DLGAP1: variants seen among roughly 807,000 people sequenced by gnomAD.
DLGAP1 encodes disks large-associated protein 1.
A neutral mutation model predicts 90.8 loss-of-function variants in DLGAP1; 11 were observed. The ratio of observed to expected loss-of-function variants is 0.12; its 90% CI spans 0.08 to 0.20. The LOEUF (loss-of-function observed/expected upper bound fraction) is 0.20, where lower values mean the gene tolerates loss of function less well. Among genes scored for constraint, DLGAP1 ranks in the 10% least tolerant of loss-of-function variants. The pLI is 1.00. For synonymous variants in DLGAP1, 558 were observed against 540.7 expected (o/e 1.03, Z -0.44); for missense variants, 1,050 against 1,333.8 (o/e 0.79, Z 3.31).
At chr18:3,724,142 T>C (rs964851750) in intron 7 of DLGAP1, among the ~76,000 whole-genome samples, 1 of 151,882 alleles carries the variant, frequency 6.6e-6, no homozygotes, top group Admixed American at 6.6e-5. Flanking sequence ...CTGAGCAACA[T>C]AGCAAGTCTT....
At chr18:4,075,999 T>C (rs1003122630) in intron 2 of DLGAP1, among the ~76,000 whole-genome samples, 2 of 152,158 alleles carry the variant, frequency 1.3e-5, no homozygotes, top group African/African-American at 4.8e-5. Flanking sequence ...TTGGTCGCTC[T>C]CCCTCTCCCT....
chr18:3,831,445 G>C (rs2068030876), intron 4 of DLGAP1, among the ~76,000 whole-genome samples: 1 of 152,072 alleles, frequency 6.6e-6, no homozygotes, highest in Admixed American at 6.5e-5. Flanking sequence ...AGAGGGTTTG[G>C]GAGATGCTTT....
At chr18:4,139,313 G>A (rs752219671) in intron 2 of DLGAP1, among the ~76,000 whole-genome samples, 4 of 151,762 alleles carry the variant, frequency 2.6e-5, no homozygotes, top group African/African-American at 4.8e-5. Flanking sequence ...GCTTTCATAC[G>A]TTGTGTTTCC....
At chr18:4,179,244 T>C (rs1039153941) in intron 1 of DLGAP1, among the ~76,000 whole-genome samples, 1 of 152,142 alleles carries the variant, frequency 6.6e-6, no homozygotes, top group African/African-American at 2.4e-5. Flanking sequence ...CACCACGTGA[T>C]AAGTGAAAGT....
In DLGAP1 at chr18:4,246,982, A is replaced by G. The variant is rs114386618; in HGVS notation, c.-266-95695T>C. On this transcript the variant is annotated intron_variant, in intron 1 of 12. Coordinates refer to ENST00000315677, the MANE Select transcript of DLGAP1 (RefSeq NM_004746.4). ...GAGATAAGCTCTCTTATTTTATTCA[A>G]TGATAATGGCTTAGAATTCTGCTAG... Among the ~76,000 whole-genome samples the G allele has an allele frequency of 3.0e-3, 458 of 152,304 alleles. 7 individuals carry two copies. Among genetic ancestry groups the G allele is most frequent in the African/African-American group, 0.011 (442 of 41,568 alleles).
rs544779403 is a variant in DLGAP1, at chr18:3,689,512, A to G, written c.1591+39623T>C. On this transcript the variant is annotated intron_variant, in intron 7 of 12. Coordinates refer to ENST00000315677, the MANE Select transcript of DLGAP1 (RefSeq NM_004746.4). ...TGTATCCTTTTTTTTAAGCAGACCTATCTTTTCCCTTCTCTAAATATCATC... is the reference window on the plus strand; with the variant it reads ...TGTATCCTTTTTTTTAAGCAGACCTGTCTTTTCCCTTCTCTAAATATCATC... Among the ~76,000 whole-genome samples, 5 of 152,256 alleles carry G rather than the reference A, an allele frequency of 3.3e-5. No homozygotes were observed. The South Asian group carries it at 8.3e-4, about 25-fold the overall frequency.
At chr18:4,267,750 AC>A (rs1390862037) in intron 1 of DLGAP1, among the ~76,000 whole-genome samples, 3 of 152,160 alleles carry the variant, frequency 2.0e-5, no homozygotes, top group Non-Finnish European at 4.4e-5. Flanking sequence ...CAGTCATCTG[AC>A]AACTAGGCTG....
chr18:3,942,434 C>A (rs927694376), intron 3 of DLGAP1, among the ~76,000 whole-genome samples: 10 of 152,204 alleles, frequency 6.6e-5, no homozygotes, highest in Admixed American at 2.0e-4. Flanking sequence ...GAGGGGAAAG[C>A]TTCAGAATAC....
intron 7 of DLGAP1, among the ~76,000 whole-genome samples, chr18:3,672,305 C>T (rs181567196): frequency 3.9e-4 from 59 of 151,646 alleles, no homozygotes; most frequent in African/African-American, 9.4e-4. Flanking sequence ...GAGCAGGGAA[C>T]GGTGGTTCAC....
chr18:3,635,285 C>G lies in DLGAP1; in HGVS notation c.1592-53037G>C, dbSNP rs548912972. On this transcript the variant is annotated intron_variant, in intron 7 of 12. Transcript: ENST00000315677. ...AGCTGGGACTACAGGCGCCCGCCAC[C>G]ACGCCCGGCTGATTTTTTTGTATTG... is the stretch of plus-strand genomic sequence containing the variant. Among the ~76,000 whole-genome samples the G allele has an allele frequency of 4.2e-4, 64 of 152,170 alleles. 1 individual carries two copies. The South Asian group carries it at 5.6e-3, about 13-fold the overall frequency.
intron 3 of DLGAP1, among the ~76,000 whole-genome samples, chr18:3,919,596 A>T (rs1298561728): frequency 6.6e-6 from 1 of 152,196 alleles, no homozygotes; most frequent in Non-Finnish European, 1.5e-5. Context: ...CATGCTATAA[A>T]CAGGAACTGC....
intron 4 of DLGAP1, chr18:3,878,318 A>T (rs1473126108): frequency 6.6e-6 from 1 of 152,190 alleles, no homozygotes; most frequent in Non-Finnish European, 1.5e-5. Flanking sequence ...TCTCTCTCCT[A>T]TATTTTTATC....
chr18:4,033,269 T>C (rs2074828621), intron 2 of DLGAP1, among the ~76,000 whole-genome samples: 1 of 152,084 alleles, frequency 6.6e-6, no homozygotes, highest in African/African-American at 2.4e-5. Flanking sequence ...CGCCAGTTCC[T>C]ACTCAGAGCT....
intron 1 of DLGAP1, among the ~76,000 whole-genome samples, chr18:4,365,085 T>C (rs527596604): frequency 1.6e-4 from 24 of 152,310 alleles, no homozygotes; most frequent in African/African-American, 4.8e-4. Flanking sequence ...GAAGAGATCA[T>C]AAGGAATTAA....
chr18:4,341,125 A>T (rs927139482), intron 1 of DLGAP1, among the ~76,000 whole-genome samples: 1 of 151,988 alleles, frequency 6.6e-6, no homozygotes, highest in Non-Finnish European at 1.5e-5. Context: ...TTTCCTCTCA[A>T]TTCACACTAA....
At chr18:3,661,928 A>C (rs1450102485) in intron 7 of DLGAP1, among the ~76,000 whole-genome samples, 1 of 152,072 alleles carries the variant, frequency 6.6e-6, no homozygotes, top group Non-Finnish European at 1.5e-5. Flanking sequence ...GGGAGGACTG[A>C]AAATTGTCAC....
chr18:3,796,031 A>C (rs2065975142), intron 5 of DLGAP1, among the ~76,000 whole-genome samples: 1 of 152,152 alleles, frequency 6.6e-6, no homozygotes, highest in South Asian at 2.1e-4. Flanking sequence ...GTTAAGGACC[A>C]ACATCGCCCA....
intron 3 of DLGAP1, among the ~76,000 whole-genome samples, chr18:3,943,474 C>A (rs2072813202): frequency 1.1e-5 from 1 of 90,522 alleles, no homozygotes; most frequent in South Asian, 4.1e-4. Flanking sequence ...TTTTTTCTGG[C>A]ATGAGGAAAA....
intron 1 of DLGAP1, among the ~76,000 whole-genome samples, chr18:4,369,625 A>G (rs1442925752): frequency 6.6e-6 from 1 of 152,044 alleles, no homozygotes; most frequent in Non-Finnish European, 1.5e-5. Flanking sequence ...CTTCAATGCC[A>G]TAGTCAGTGT....
Sources: allele counts gnomAD v4.1 joint callset (sites outside exome capture counted in the v4.1 genomes callset), GRCh38; gene constraint gnomAD v4.1.1; transcripts MANE v1.5; gene names NCBI Gene and HGNC (gene_info 2026-07-23, HGNC 2026-07-21).